The following NELL1 variants were observed in gnomAD, a reference collection of about 807,000 sequenced individuals.
NELL1 encodes the protein protein kinase C-binding protein NELL1.
NELL1 carries 76 observed loss-of-function variants against 107.4 expected under a neutral mutation model. The observed-to-expected ratio is 0.71, with a 90% confidence interval of 0.59 to 0.86. The LOEUF is 0.86. Ranked by LOEUF, NELL1 falls within the 40% of genes least tolerant of loss-of-function variation. The probability of loss-of-function intolerance (pLI) is 0.00; values close to 1 mark genes in which losing one functional copy is unlikely to be tolerated. For missense variants in NELL1, 1,024 were observed against 1,005.5 expected (o/e 1.02, Z -0.25); for synonymous variants, 353 against 341.2 (o/e 1.03, Z -0.38).
At chr11:21,083,224 T>A (rs1854310289) in intron 12 of NELL1, among the ~76,000 whole-genome samples, 2 of 152,018 alleles carry the variant, frequency 1.3e-5, no homozygotes, top group South Asian at 4.2e-4. Flanking sequence ...TGGAGGAAAA[T>A]GATCAGAAGT....
intron 16 of NELL1, among the ~76,000 whole-genome samples, chr11:21,535,702 A>T (rs75074476): frequency 6.6e-6 from 1 of 152,120 alleles, no homozygotes; most frequent in Non-Finnish European, 1.5e-5. Context: ...CAGCTATCTC[A>T]TCTGTGAAAT....
At chr11:20,983,304 G>C (rs532905972) in intron 12 of NELL1, among the ~76,000 whole-genome samples, 1 of 152,066 alleles carries the variant, frequency 6.6e-6, no homozygotes, top group African/African-American at 2.4e-5. Flanking sequence ...GTGCCTTAAG[G>C]CTTGATCCCA....
intron 14 of NELL1, among the ~76,000 whole-genome samples, chr11:21,339,369 TC>T (rs1286369847): frequency 6.6e-6 from 1 of 152,196 alleles, no homozygotes; most frequent in Non-Finnish European, 1.5e-5. Flanking sequence ...GGAAAGTTTC[TC>T]CCTTAGAGCC....
chr11:21,158,192 G>A (rs1405922382), intron 13 of NELL1, among the ~76,000 whole-genome samples: 1 of 152,064 alleles, frequency 6.6e-6, no homozygotes, highest in East Asian at 1.9e-4. Flanking sequence ...CTATTGTTTA[G>A]CCAGGGCCTC....
At chr11:21,319,516 A>ATATATATATATT (rs1291132794) in intron 14 of NELL1, among the ~76,000 whole-genome samples, 2 of 120,296 alleles carry the variant, frequency 1.7e-5, no homozygotes, top group East Asian at 4.6e-4. Flanking sequence ...ATATATATAT[A>ATATATATATATT]TTTTTAGTAG....
At chr11:21,381,398 C>A (rs923848480) in intron 15 of NELL1, among the ~76,000 whole-genome samples, 1 of 151,816 alleles carries the variant, frequency 6.6e-6, no homozygotes, top group East Asian at 1.9e-4. Flanking sequence ...ATTTACTTAA[C>A]GTTTCTAAGT....
At chr11:21,034,245 G>C (rs1776445879) in intron 12 of NELL1, among the ~76,000 whole-genome samples, 1 of 152,108 alleles carries the variant, frequency 6.6e-6, no homozygotes, top group Non-Finnish European at 1.5e-5. Context: ...CAGTTATCCA[G>C]CACCATTTAT....
At chr11:20,855,574 T>A (rs540873868) in intron 4 of NELL1, among the ~76,000 whole-genome samples, 73 of 152,268 alleles carry the variant, frequency 4.8e-4, no homozygotes, top group Non-Finnish European at 7.5e-4. Context: ...TCTATATAGA[T>A]GAATGGAGGG....
At chr11:21,393,213 C>T (rs922627268) in intron 15 of NELL1, among the ~76,000 whole-genome samples, 2 of 151,532 alleles carry the variant, frequency 1.3e-5, no homozygotes, top group African/African-American at 2.4e-5. Context: ...TATTTAACAA[C>T]TTCATTAATG....
intron 2 of NELL1, among the ~76,000 whole-genome samples, chr11:20,691,444 T>C (rs561351528): frequency 0.015 from 2,266 of 152,028 alleles, 54 homozygotes; most frequent in African/African-American, 0.052. Flanking sequence ...TCTTATTATT[T>C]TGAGATACGT....
At chr11:21,493,224 C>T (rs1296389075) in intron 15 of NELL1, among the ~76,000 whole-genome samples, 1 of 152,022 alleles carries the variant, frequency 6.6e-6, no homozygotes, top group Non-Finnish European at 1.5e-5. Context: ...TACAGCCAGC[C>T]CACTACGGGG....
intron 12 of NELL1, among the ~76,000 whole-genome samples, chr11:21,086,929 T>A (rs981202721): frequency 3.3e-5 from 5 of 150,884 alleles, no homozygotes; most frequent in Non-Finnish European, 7.4e-5. Flanking sequence ...CCTCCCCAGT[T>A]CAAGGTTCAA....
At chr11:21,488,745 TG>T (rs1387809564) in intron 15 of NELL1, among the ~76,000 whole-genome samples, 2 of 151,750 alleles carry the variant, frequency 1.3e-5, no homozygotes, top group Non-Finnish European at 2.9e-5. Flanking sequence ...AACGTGACAA[TG>T]GGAAAATAAC....
At chr11:21,554,935 A>C (rs1401986050) in intron 16 of NELL1, among the ~76,000 whole-genome samples, 5 of 152,072 alleles carry the variant, frequency 3.3e-5, no homozygotes, top group Admixed American at 6.6e-5. Flanking sequence ...TCTGGATTAC[A>C]AAGGTTAAGC....
intron 15 of NELL1, among the ~76,000 whole-genome samples, chr11:21,511,419 G>A (rs1177494832): frequency 1.3e-5 from 2 of 152,094 alleles, no homozygotes; most frequent in African/African-American, 2.4e-5. Flanking sequence ...TCTCACCAAC[G>A]GCAATCTGGA....
intron 15 of NELL1, among the ~76,000 whole-genome samples, chr11:21,378,265 GTATATA>G (rs5790180): frequency 2.9e-4 from 41 of 143,780 alleles, no homozygotes; most frequent in African/African-American, 8.4e-4. Context: ...GCATATATAT[GTATATA>G]TATATATATA....
At chr11:21,549,070 T>G (rs1477444984) in intron 16 of NELL1, among the ~76,000 whole-genome samples, 1 of 151,818 alleles carries the variant, frequency 6.6e-6, no homozygotes, top group Non-Finnish European at 1.5e-5. Context: ...TATTCTATAC[T>G]AATACATAAC....
At chr11:21,414,652 A>G (rs1210099022) in intron 15 of NELL1, among the ~76,000 whole-genome samples, 1 of 152,080 alleles carries the variant, frequency 6.6e-6, no homozygotes, top group Admixed American at 6.6e-5. Context: ...CATAATTATA[A>G]AATATAATGT....
intron 15 of NELL1, among the ~76,000 whole-genome samples, chr11:21,438,633 T>G (rs138577539): frequency 6.6e-6 from 1 of 152,140 alleles, no homozygotes; most frequent in East Asian, 1.9e-4. Context: ...GCATATGTCA[T>G]GCAGGCTTTC....
Sources: allele counts gnomAD v4.1 joint callset (sites outside exome capture counted in the v4.1 genomes callset), GRCh38; gene constraint gnomAD v4.1.1; transcripts MANE v1.5; gene names NCBI Gene and HGNC (gene_info 2026-07-23, HGNC 2026-07-21).